Variants in ALPK2 observed in about 807,000 individuals in gnomAD.
The protein encoded by ALPK2 is alpha-protein kinase 2.
ALPK2 carries 127 observed loss-of-function variants against 163.1 expected under a neutral mutation model. The ratio of observed to expected loss-of-function variants is 0.78; its 90% CI spans 0.67 to 0.90. The LOEUF (loss-of-function observed/expected upper bound fraction) is 0.90. Ranked by LOEUF, ALPK2 falls within the 40% of genes least tolerant of loss-of-function variation. The pLI is 0.00. For missense variants in ALPK2, 2,360 were observed against 2,589.6 expected (o/e 0.91, Z 1.92); for synonymous variants, 953 against 959.1 (o/e 0.99, Z 0.12).
chr18:58,566,948 T>C (rs2051857029), intron 4 of ALPK2, among the ~76,000 whole-genome samples: 1 of 152,132 alleles, frequency 6.6e-6, no homozygotes, highest in Non-Finnish European at 1.5e-5. Flanking sequence ...AGCCCATGGT[T>C]TCCAAACTTT....
At chr18:58,495,133 C>T (rs915184072) in intron 12 of ALPK2, among the ~76,000 whole-genome samples, 1 of 152,124 alleles carries the variant, frequency 6.6e-6, no homozygotes, top group Admixed American at 6.5e-5. Context: ...CCAGGAGCCT[C>T]TAAAGAGGTC....
chr18:58,588,407 A>AT (rs916849157), intron 3 of ALPK2, among the ~76,000 whole-genome samples: 9 of 151,774 alleles, frequency 5.9e-5, no homozygotes, highest in East Asian at 3.9e-4. Context: ...TAATGTTTGA[A>AT]TTTTTTTTTA....
chr18:58,527,989 T>C (rs892901639), intron 6 of ALPK2, among the ~76,000 whole-genome samples: 2 of 152,198 alleles, frequency 1.3e-5, no homozygotes, highest in Admixed American at 6.5e-5. Flanking sequence ...ATTAAGGGGA[T>C]TGGAACCCCT....
chr18:58,590,837 G>T (rs9959884), intron 3 of ALPK2, among the ~76,000 whole-genome samples: 273 of 152,252 alleles, frequency 1.8e-3, no homozygotes, highest in African/African-American at 6.4e-3. Flanking sequence ...AGCCGAAACG[G>T]ACCTCAGAGC....
At chr18:58,544,919 G>A (rs2051709619) in intron 4 of ALPK2, 1 of 152,118 alleles carries the variant, frequency 6.6e-6, no homozygotes, top group Admixed American at 6.5e-5. Flanking sequence ...GGGGCAAAGG[G>A]GTCAGTCTGC....
intron 12 of ALPK2, among the ~76,000 whole-genome samples, chr18:58,489,938 G>C (rs902870562): frequency 2.0e-5 from 3 of 151,964 alleles, no homozygotes; most frequent in African/African-American, 7.3e-5. Flanking sequence ...AAAATTAGCT[G>C]GGTGTGGTAC....
At position 58,535,123 on chromosome 18, in the gene ALPK2, C is replaced by T; in HGVS notation, c.5064G>A (p.Glu1688=). The T allele has an allele frequency of 6.2e-7, 1 of 1,614,050 alleles. No individual in the cohort carries two copies. Among genetic ancestry groups the T allele is most frequent in the Non-Finnish European group, 8.5e-7 (1 of 1,179,980 alleles). Reference sequence around the variant, plus strand: ...TGCCTGCTCGGGCTTCCAGGGACTTCTCTCTCTCCCTGGACTTTTTCGCAC... The same window carrying T: ...TGCCTGCTCGGGCTTCCAGGGACTTTTCTCTCTCCCTGGACTTTTTCGCAC... The part of the protein sequence containing the change: ...LGCAKKSRER[E]KSLEARAGKS... Residue 1688 remains glutamate, a synonymous_variant, in exon 5 of 13, where the codon GAG becomes GAA. Coordinates refer to ENST00000361673, the MANE Select transcript of ALPK2 (RefSeq NM_052947.4).
chr18:58,576,405 T>C (rs1485800883), intron 4 of ALPK2, among the ~76,000 whole-genome samples: 1 of 152,114 alleles, frequency 6.6e-6, no homozygotes, highest in Non-Finnish European at 1.5e-5. Flanking sequence ...GTGGGCAAAT[T>C]TATTGCTATG....
chr18:58,505,125 C>T (rs1568068694), intron 10 of ALPK2, among the ~76,000 whole-genome samples: 1 of 152,124 alleles, frequency 6.6e-6, no homozygotes, highest in East Asian at 1.9e-4. Flanking sequence ...GAGATTTCTG[C>T]ATGACAAAGA....
At position 58,579,622 on chromosome 18, in the gene ALPK2, G is replaced by T; in HGVS notation, c.1154C>A (p.Ser385Tyr). The T allele has an allele frequency of 6.2e-7, 1 of 1,613,770 alleles. No individual in the cohort carries two copies. The highest frequency in any genetic ancestry group is 8.5e-7 in the Non-Finnish European group (1 of 1,179,974). Residue 385 changes from serine (S) to tyrosine (Y), a missense_variant, in exon 4 of 13, where the codon TCT becomes TAT. Transcript: ENST00000361673. Reference sequence around the variant, plus strand: ...AGGCCCAGCGTCACCCGACACCCGAGACCCACAACCCATTCCACTGAGGAA... The same window carrying T: ...AGGCCCAGCGTCACCCGACACCCGATACCCACAACCCATTCCACTGAGGAA... ...EHFLSGMGCG[S>Y]RVSGDAGPMV...
At chr18:58,622,762 C>G (rs1340171325) in intron 1 of ALPK2, among the ~76,000 whole-genome samples, 1 of 152,192 alleles carries the variant, frequency 6.6e-6, no homozygotes, top group Admixed American at 6.5e-5. Context: ...CCCTCTCTGG[C>G]TCGTTTTCCT....
In ALPK2 at chr18:58,499,828, G is replaced by T. The variant is rs183712661; in HGVS notation, c.6248-1731C>A. On this transcript the variant is annotated intron_variant, in intron 11 of 12. Transcript: ENST00000361673. The stretch of plus-strand genomic sequence containing the variant: ...GCCCTGGCAGCCTAGAAACCAGTTT[G>T]GGCTGTGGAAAGAAAAAAACTCAGC... Among the ~76,000 whole-genome samples, 80 of 152,360 alleles carry T rather than the reference G, an allele frequency of 5.3e-4. 1 individual carries two copies. The East Asian group carries it at 0.014, about 27-fold the overall frequency.
At chr18:58,600,317 G>A (rs959460176) in intron 3 of ALPK2, among the ~76,000 whole-genome samples, 6 of 152,148 alleles carry the variant, frequency 3.9e-5, no homozygotes, top group Non-Finnish European at 7.4e-5. Flanking sequence ...GATTACAGGC[G>A]TGAGTCACCG....
At chr18:58,559,307 G>A (rs973707253) in intron 4 of ALPK2, among the ~76,000 whole-genome samples, 3 of 152,180 alleles carry the variant, frequency 2.0e-5, no homozygotes, top group African/African-American at 7.2e-5. Flanking sequence ...CCCACAGGCA[G>A]CTGCCCGGAA....
At chr18:58,493,038 G>A (rs569412276) in intron 12 of ALPK2, among the ~76,000 whole-genome samples, 1 of 152,320 alleles carries the variant, frequency 6.6e-6, no homozygotes, top group East Asian at 1.9e-4. Flanking sequence ...CAGCCAGCGG[G>A]CCAGCCAGCC....
intron 3 of ALPK2, among the ~76,000 whole-genome samples, chr18:58,598,170 C>G (rs1482543480): frequency 6.6e-6 from 1 of 152,262 alleles, no homozygotes; most frequent in Non-Finnish European, 1.5e-5. Flanking sequence ...CACCCATTCT[C>G]AGGTTCACCT....
At chr18:58,525,301 G>A (rs2051578656) in intron 6 of ALPK2, among the ~76,000 whole-genome samples, 1 of 152,162 alleles carries the variant, frequency 6.6e-6, no homozygotes, top group Non-Finnish European at 1.5e-5. Flanking sequence ...CCACTGTATG[G>A]TTAAAACTGG....
intron 4 of ALPK2, chr18:58,557,000 C>T (rs1237829616): frequency 6.6e-6 from 1 of 152,304 alleles, no homozygotes; most frequent in Non-Finnish European, 1.5e-5. Flanking sequence ...GGAACATGTC[C>T]TCTTTCGTCC....
intron 12 of ALPK2, 142 bp from the exon 13 acceptor site, chr18:58,482,181 G>C: frequency 1.5e-6 from 1 of 653,344 alleles, no homozygotes; most frequent in Non-Finnish European, 2.7e-6. Context: ...CTGCAGGATA[G>C]ACACAACTAT....
Sources: allele counts gnomAD v4.1 joint callset (sites outside exome capture counted in the v4.1 genomes callset), GRCh38; gene constraint gnomAD v4.1.1; transcripts MANE v1.5; gene names NCBI Gene and HGNC (gene_info 2026-07-23, HGNC 2026-07-21).